Variants in KIF17 observed in about 807,000 individuals in gnomAD.
KIF17 encodes kinesin-like protein KIF17.
KIF17 carries 80 observed loss-of-function variants against 96.8 expected under a neutral mutation model. The ratio of observed to expected loss-of-function variants is 0.83; its 90% CI spans 0.69 to 1.00. The LOEUF (loss-of-function observed/expected upper bound fraction) is 1.00, where lower values mean the gene tolerates loss of function less well. Among genes scored for constraint, KIF17 ranks in the 50% least tolerant of loss-of-function variants. The pLI, the probability that KIF17 is intolerant of heterozygous loss-of-function variation, is 0.00. For missense variants in KIF17, 1,280 were observed against 1,372.9 expected (o/e 0.93, Z 1.07); for synonymous variants, 567 against 587.5 (o/e 0.97, Z 0.51).
At chr1:20,662,304 G>GT (rs1333731559), downstream of KIF17, among the ~76,000 whole-genome samples, 2 of 152,162 alleles carry the variant, frequency 1.3e-5, no homozygotes, top group Non-Finnish European at 2.9e-5. Context: ...TCCACCAGGG[G>GT]TTTAAGTAAA....
rs547747351 is a variant in KIF17 at position 20,697,429 on chromosome 1, G to A, written c.1233+950C>T. Among the ~76,000 whole-genome samples, 29 of 144,076 alleles carry A rather than the reference G, an allele frequency of 2.0e-4. No individual in the cohort carries two copies. The South Asian group carries it at 6.5e-3, about 32-fold the overall frequency. 94.5% of individuals were successfully genotyped at this position (144,076 alleles called of 152,430 possible). On this transcript the variant is annotated intron_variant, in intron 6 of 14. Coordinates refer to ENST00000400463, the MANE Select transcript of KIF17 (RefSeq NM_001122819.3). ...TCAAGACCAGCCTAGGCAACATAGA[G>A]ACCCTATCTCTACAAAAAAATTTAA...
chr1:20,674,015 A>C (rs1232363811), intron 11 of KIF17, among the ~76,000 whole-genome samples: 1 of 151,926 alleles, frequency 6.6e-6, no homozygotes, highest in Non-Finnish European at 1.5e-5. Flanking sequence ...TGTGGCCTCG[A>C]CGTTCTGGGC....
chr1:20,671,198 T>C (rs1421212177), intron 12 of KIF17, among the ~76,000 whole-genome samples: 1 of 152,224 alleles, frequency 6.6e-6, no homozygotes, highest in Non-Finnish European at 1.5e-5. Flanking sequence ...AGAAAACCTG[T>C]CTTCTCAGGG....
At position 20,717,785 on chromosome 1, in the gene KIF17, G is replaced by A. The variant is rs1156461617; in HGVS notation, c.-79C>T. 13 of 1,405,622 alleles carry A rather than the reference G, an allele frequency of 9.2e-6. No homozygotes were observed. The highest frequency in any genetic ancestry group is 2.6e-4 in the Middle Eastern group (1 of 3,874). 87.1% of individuals were successfully genotyped at this position (1,405,622 alleles called of 1,614,324 possible). On this transcript the variant is annotated 5_prime_UTR_variant, in exon 1 of 15. Transcript: ENST00000400463. The stretch of plus-strand genomic sequence containing the variant: ...CTCCCAGCAGCCCGGGCCAAGGGGC[G>A]GGGCCAGCGCCGGCCACGGGGGGCG...
In KIF17 at chr1:20,681,180, A is replaced by AGGTTT. The variant is rs1312156329; in HGVS notation, c.2463+1468_2463+1472dup. On this transcript the variant is annotated intron_variant, in intron 11 of 14. Transcript: ENST00000400463. ...AACTAAAGAGGTTAAAGAGGCAAAA[A>AGGTTT]GGTTTTGTTTTGTTTTGTTTTGTTT... is the stretch of plus-strand genomic sequence containing the variant. 4.2e-5 allele frequency among the ~76,000 whole-genome samples: 3 copies of AGGTTT among 71,194 alleles called. No homozygotes were observed. The Admixed American group carries it at 4.5e-4, about 11-fold the overall frequency. The allele number at this position is 71,194 out of a possible 152,430, so 46.7% of individuals were successfully genotyped here. A position where few individuals can be genotyped will look rare whatever the true frequency, so the allele number is the denominator to read the frequency against.
intron 6 of KIF17, chr1:20,693,246 C>CT (rs34024424): frequency 0.13 from 17,125 of 133,260 alleles, 1,359 homozygotes; most frequent in East Asian, 0.34. Context: ...ACGTCCTCAT[C>CT]TTTTTTTTTT....
rs1347483571 is a variant in KIF17, at chr1:20,670,365, T to C, written c.2790+56A>G. 3 of 1,512,386 alleles carry C rather than the reference T, an allele frequency of 2.0e-6. No individual in the cohort carries two copies. In the Admixed American group the frequency reaches 5.0e-5, roughly 25 times the overall value. 93.7% of individuals were successfully genotyped at this position (1,512,386 alleles called of 1,614,324 possible). A position where few individuals can be genotyped will look rare whatever the true frequency, so the allele number is the denominator to read the frequency against. On this transcript the variant is annotated intron_variant, in intron 13 of 14. Coordinates refer to ENST00000400463, the MANE Select transcript of KIF17 (RefSeq NM_001122819.3). The stretch of plus-strand genomic sequence containing the variant: ...CCACAGTAACACTGACCCACAGCAC[T>C]GGGGGCAAAGCCCTCCCAGCCCCCG...
intron 6 of KIF17, 49 bp downstream of exon 6, chr1:20,698,330 G>T: frequency 2.2e-6 from 3 of 1,358,656 alleles, no homozygotes; most frequent in Non-Finnish European, 2.1e-6. Flanking sequence ...TTCCCGCTGG[G>T]CCCCACCTGC....
chr1:20,715,080 A>T (rs182614295), intron 2 of KIF17, among the ~76,000 whole-genome samples: 1 of 152,106 alleles, frequency 6.6e-6, no homozygotes, highest in Non-Finnish European at 1.5e-5. Context: ...CTCAGTCTCA[A>T]CCTCCCTATC....
Position 20,685,067 on chromosome 1 carries a change from C to A in KIF17, c.2020-47G>T, listed in dbSNP as rs781019353. The A allele has an allele frequency of 2.0e-5, 29 of 1,473,504 alleles. No homozygotes were observed. The highest frequency in any genetic ancestry group is 1.6e-5 in the Non-Finnish European group (17 of 1,075,770). The allele number at this position is 1,473,504 out of a possible 1,614,324, so 91.3% of individuals were successfully genotyped here. A position where few individuals can be genotyped will look rare whatever the true frequency, so the allele number is the denominator to read the frequency against. ...GGTGGAGGTGGGAAGGCCGCCCCAA[C>A]CCCCGCCGACAGCTCCCAGGTGGCT... On this transcript the variant is annotated intron_variant, in intron 9 of 14. Transcript: ENST00000400463. This position sits in a 1 kb window ranked among gnomAD's most constrained non-coding sequence, Gnocchi z 4.1.
At chr1:20,667,358 C>T (rs2053547618) in intron 13 of KIF17, among the ~76,000 whole-genome samples, 1 of 152,146 alleles carries the variant, frequency 6.6e-6, no homozygotes, top group Non-Finnish European at 1.5e-5. Flanking sequence ...CTCCCATTAC[C>T]CCCACATGGG....
At chr1:20,695,241 G>A (rs2054115790) in intron 6 of KIF17, among the ~76,000 whole-genome samples, 1 of 152,050 alleles carries the variant, frequency 6.6e-6, no homozygotes, top group Non-Finnish European at 1.5e-5. Flanking sequence ...AGGCTGGAGT[G>A]CAGTGGCGCC....
At chr1:20,689,467 A>G (rs765635373) in intron 7 of KIF17, among the ~76,000 whole-genome samples, 55 of 152,174 alleles carry the variant, frequency 3.6e-4, no homozygotes, top group South Asian at 1.9e-3. Flanking sequence ...CCTGGCCAAC[A>G]TGACGAAATC....
At chr1:20,663,019 GGA>G (rs1286131955), downstream of KIF17, among the ~76,000 whole-genome samples, 1 of 152,112 alleles carries the variant, frequency 6.6e-6, no homozygotes, top group African/African-American at 2.4e-5. Context: ...CTTGAGGTCA[GGA>G]GTTCGTGACC....
chr1:20,685,249 C>CAGA lies in KIF17; in HGVS notation c.2020-230_2020-229insTCT. On this transcript the variant is annotated intron_variant, in intron 9 of 14. Coordinates refer to ENST00000400463, the MANE Select transcript of KIF17 (RefSeq NM_001122819.3). The surrounding 1 kb of genome is among the most constrained non-coding windows in gnomAD (Gnocchi z 4.1). ...GAGGAAGGCTCCCAGCTTCCTCTCTCACCTCCCACAATCCAGTCTCCACAG... is the reference window on the plus strand; with the variant it reads ...GAGGAAGGCTCCCAGCTTCCTCTCTCAGAACCTCCCACAATCCAGTCTCCACAG... 1 of 685,918 alleles carries CAGA rather than the reference C, an allele frequency of 1.5e-6. No individual in the cohort carries two copies. Among genetic ancestry groups the CAGA allele is most frequent in the South Asian group, 1.5e-5 (1 of 66,614 alleles). The allele number at this position is 685,918 out of a possible 1,614,324, so 42.5% of individuals were successfully genotyped here.
At chr1:20,714,430 C>T (rs1287396054) in intron 2 of KIF17, among the ~76,000 whole-genome samples, 2 of 152,152 alleles carry the variant, frequency 1.3e-5, no homozygotes, top group Admixed American at 1.3e-4. Context: ...GCAGAGGTTG[C>T]AGTGAGCCAA....
chr1:20,712,919 A>ATATCTATATTATCTATAATAT (rs1553153043), intron 3 of KIF17, among the ~76,000 whole-genome samples: 8 of 56,300 alleles, frequency 1.4e-4, no homozygotes, highest in East Asian at 4.5e-4. Context: ...TATATATAAT[A>ATATCTATATTATCTATAATAT]TATCTATATT....
chr1:20,668,185 C>T (rs2053562703), intron 13 of KIF17, among the ~76,000 whole-genome samples: 1 of 151,986 alleles, frequency 6.6e-6, no homozygotes, highest in Non-Finnish European at 1.5e-5. Flanking sequence ...TGGCAGGCAC[C>T]TGTAGTCCCA....
chr1:20,711,826 G>C (rs190271198), intron 3 of KIF17, among the ~76,000 whole-genome samples: 2 of 152,044 alleles, frequency 1.3e-5, no homozygotes, highest in Non-Finnish European at 2.9e-5. Context: ...AAATCCCATC[G>C]CCACTCTTTA....
Sources: gnomAD v4.1 joint callset for allele counts (sites outside exome capture counted in the v4.1 genomes callset) on GRCh38, gnomAD v4.1.1 for gene constraint, Gnocchi (gnomAD v3.1) non-coding constraint, MANE v1.5 for transcripts, NCBI Gene and HGNC (gene_info 2026-07-23, HGNC 2026-07-21) for gene names.